The following MED27 variants were observed in gnomAD, a reference collection of about 807,000 sequenced individuals.
The protein encoded by MED27 is mediator complex subunit 27.
In MED27, 30 loss-of-function variants were observed where a neutral mutation model predicts 38.2. The ratio of observed to expected loss-of-function variants is 0.79; its 90% confidence interval spans 0.59 to 1.07. The LOEUF (loss-of-function observed/expected upper bound fraction) is 1.07. Ranked by LOEUF, MED27 falls within the 50% of genes least tolerant of loss-of-function variation. MED27 has a pLI of 0.00. For synonymous variants in MED27, 122 were observed against 153.5 expected (o/e 0.79, Z 1.52); for missense variants, 289 against 397.5 (o/e 0.73, Z 2.32).
At position 132,079,839 on chromosome 9, in the gene MED27, C is replaced by T; in HGVS notation, c.6G>A (p.Ala2=). The T allele has an allele frequency of 6.3e-7, 1 of 1,582,952 alleles. No individual in the cohort carries two copies. Among genetic ancestry groups the T allele is most frequent in the Non-Finnish European group, 8.6e-7 (1 of 1,163,964 alleles). M[A]DVINVSVNLE... ...GGTTCACACTGACATTTATCACGTCCGCCATGTTGCCGCCGCCACAGCAGC... is the reference window on the plus strand; with the variant it reads ...GGTTCACACTGACATTTATCACGTCTGCCATGTTGCCGCCGCCACAGCAGC... Residue 2 remains alanine, a synonymous_variant, in exon 1 of 8, where the codon GCG becomes GCA. Transcript: ENST00000292035.
intron 4 of MED27, among the ~76,000 whole-genome samples, chr9:131,908,688 T>TA (rs1830129061): frequency 6.6e-6 from 1 of 152,066 alleles, no homozygotes; most frequent in African/African-American, 2.4e-5. Flanking sequence ...GCATGCTCGT[T>TA]AAGAGTCATC....
At chr9:131,984,404 A>C (rs142179795) in intron 3 of MED27, among the ~76,000 whole-genome samples, 11 of 152,252 alleles carry the variant, frequency 7.2e-5, no homozygotes, top group Non-Finnish European at 1.3e-4. Flanking sequence ...GATGACTATG[A>C]ACTCAAGATC....
Position 131,860,595 on chromosome 9 carries a change from G to C in MED27, c.879C>G (p.Pro293=). The C allele has an allele frequency of 6.2e-7, 1 of 1,605,090 alleles. No individual in the cohort carries two copies. Among genetic ancestry groups the C allele is most frequent in the Non-Finnish European group, 8.5e-7 (1 of 1,176,128 alleles). Residue 293 remains proline, a synonymous_variant, in exon 8 of 8, where the codon CCC becomes CCG. Coordinates refer to ENST00000292035, the MANE Select transcript of MED27 (RefSeq NM_004269.4). The surrounding 1 kb of genome is among the most constrained non-coding windows in gnomAD (Gnocchi z 5.8). ...RCGKFLQDGL[P]PTWRDFRTLE... ...GGGTTCGGAAATCCCTCCATGTCGG[G>C]GGAAGGCCGTCCTGCAGAAACTTCC...
At chr9:131,967,624 TG>T (rs1831377226) in intron 3 of MED27, among the ~76,000 whole-genome samples, 1 of 151,922 alleles carries the variant, frequency 6.6e-6, no homozygotes, top group South Asian at 2.1e-4. Flanking sequence ...TCTAAGTAGC[TG>T]GGATGACAGG....
chr9:132,010,897 G>C (rs576286507), intron 3 of MED27, among the ~76,000 whole-genome samples: 2 of 152,164 alleles, frequency 1.3e-5, no homozygotes, highest in Admixed American at 1.3e-4. Flanking sequence ...TGGGCGAAGG[G>C]GGGAGGGATA....
chr9:131,979,570 G>A (rs1831687045), intron 3 of MED27, among the ~76,000 whole-genome samples: 1 of 151,120 alleles, frequency 6.6e-6, no homozygotes, highest in Admixed American at 6.6e-5. Context: ...TGGTCTTAAT[G>A]CTATCTGCCA....
At chr9:132,025,307 C>T (rs543753945) in intron 2 of MED27, among the ~76,000 whole-genome samples, 16 of 152,064 alleles carry the variant, frequency 1.1e-4, no homozygotes, top group African/African-American at 3.6e-4. Flanking sequence ...CTCAGCCTCG[C>T]GAGTTGCTGG....
At chr9:131,906,578 C>T (rs1830067040) in intron 4 of MED27, among the ~76,000 whole-genome samples, 1 of 152,186 alleles carries the variant, frequency 6.6e-6, no homozygotes, top group African/African-American at 2.4e-5. Flanking sequence ...AGTGGCATGT[C>T]TGATGTGTGC....
At chr9:131,881,403 A>G (rs980998477) in intron 6 of MED27, among the ~76,000 whole-genome samples, 3 of 152,152 alleles carry the variant, frequency 2.0e-5, no homozygotes, top group Non-Finnish European at 4.4e-5. Context: ...CTTCAGACCC[A>G]GGGACCAGGG....
At chr9:132,054,450 CA>C (rs953661129) in intron 2 of MED27, among the ~76,000 whole-genome samples, 1 of 152,200 alleles carries the variant, frequency 6.6e-6, no homozygotes, top group African/African-American at 2.4e-5. Context: ...GACAGAGTCT[CA>C]CTCTATTACC....
At chr9:131,969,637 G>A (rs944399419) in intron 3 of MED27, among the ~76,000 whole-genome samples, 1 of 152,108 alleles carries the variant, frequency 6.6e-6, no homozygotes, top group African/African-American at 2.4e-5. Context: ...GGATTGGAGA[G>A]GGAGCCAGAT....
chr9:131,947,779 C>A (rs1830912401), intron 3 of MED27, among the ~76,000 whole-genome samples: 1 of 152,114 alleles, frequency 6.6e-6, no homozygotes, highest in Admixed American at 6.5e-5. Context: ...ATAGCACTTA[C>A]CCCACACAAT....
At chr9:132,071,616 A>G (rs1388020160) in intron 2 of MED27, among the ~76,000 whole-genome samples, 1 of 151,324 alleles carries the variant, frequency 6.6e-6, no homozygotes, top group Non-Finnish European at 1.5e-5. Flanking sequence ...GAGCACATGC[A>G]TACAAGTAAC....
intron 3 of MED27, among the ~76,000 whole-genome samples, chr9:131,945,677 C>T (rs375675263): frequency 1.6e-4 from 24 of 151,696 alleles, no homozygotes; most frequent in Middle Eastern, 3.4e-3. Context: ...GAAGTGAGAT[C>T]GTGGCCAGGT....
At chr9:132,021,712 A>C (rs532465953) in intron 2 of MED27, among the ~76,000 whole-genome samples, 1 of 152,284 alleles carries the variant, frequency 6.6e-6, no homozygotes, top group Non-Finnish European at 1.5e-5. Flanking sequence ...CTAATTCCCA[A>C]TGTGATGGTA....
chr9:132,032,382 C>T (rs955276448), intron 2 of MED27, among the ~76,000 whole-genome samples: 4 of 151,998 alleles, frequency 2.6e-5, no homozygotes, highest in Non-Finnish European at 5.9e-5. Context: ...TGTACTTTGG[C>T]AAAACCACCT....
At chr9:131,903,124 C>T (rs1056435480) in intron 4 of MED27, among the ~76,000 whole-genome samples, 2 of 152,116 alleles carry the variant, frequency 1.3e-5, no homozygotes, top group African/African-American at 2.4e-5. Context: ...AAGACATAAC[C>T]GACATTGGGC....
chr9:131,968,785 G>A (rs924187621), intron 3 of MED27, among the ~76,000 whole-genome samples: 1 of 152,184 alleles, frequency 6.6e-6, no homozygotes, highest in African/African-American at 2.4e-5. Flanking sequence ...CCGCACAGCA[G>A]GAGGTGAGTG....
chr9:131,994,905 C>A (rs1054235727), intron 3 of MED27, among the ~76,000 whole-genome samples: 1 of 152,146 alleles, frequency 6.6e-6, no homozygotes, highest in Non-Finnish European at 1.5e-5. Flanking sequence ...GGTTTACAGA[C>A]AGGTCACTCT....
Sources: gnomAD v4.1 joint callset for allele counts (sites outside exome capture counted in the v4.1 genomes callset) on GRCh38, gnomAD v4.1.1 for gene constraint, Gnocchi (gnomAD v3.1) non-coding constraint, MANE v1.5 for transcripts, NCBI Gene and HGNC (gene_info 2026-07-23, HGNC 2026-07-21) for gene names.